Variants in ZNF516 observed in about 807,000 individuals in gnomAD.
The protein encoded by ZNF516 is zinc finger protein 516.
In ZNF516, 19 loss-of-function variants were observed where a neutral mutation model predicts 79.7. The observed-to-expected ratio is 0.24, with a 90% CI of 0.17 to 0.35. The LOEUF (loss-of-function observed/expected upper bound fraction) is 0.35. Ranked by LOEUF, ZNF516 falls within the 10% of genes least tolerant of loss-of-function variation. ZNF516 has a pLI of 1.00. For synonymous variants in ZNF516, 877 were observed against 739.5 expected (o/e 1.19, Z -3.02); for missense variants, 1,678 against 1,679.5 (o/e 1.00, Z 0.02).
chr18:76,372,881 G>C (rs985470594), intron 4 of ZNF516: 3 of 152,288 alleles, frequency 2.0e-5, no homozygotes, highest in African/African-American at 7.2e-5. Flanking sequence ...AGGTGCGGCG[G>C]CTCACGCCTG....
chr18:76,416,477 G>C (rs913421004), intron 3 of ZNF516, among the ~76,000 whole-genome samples: 2 of 152,194 alleles, frequency 1.3e-5, no homozygotes, highest in Non-Finnish European at 2.9e-5. Flanking sequence ...TTACTGTTTG[G>C]GGGTTTGGGG....
chr18:76,439,746 C>T (rs1250470047), intron 3 of ZNF516, among the ~76,000 whole-genome samples: 7 of 151,952 alleles, frequency 4.6e-5, no homozygotes, highest in Non-Finnish European at 1.0e-4. Flanking sequence ...AAGAATATTT[C>T]TCTTAAAAGT....
chr18:76,362,607 G>C lies in ZNF516; in HGVS notation c.3433-50C>G, dbSNP rs151227119. On this transcript the variant is annotated intron_variant, in intron 6 of 6. Transcript: ENST00000443185. Reference sequence around the variant, plus strand: ...GGAGAAAAGCTCATTTCTGCCTTTTGGTTTCTAAATGCATTTTTCCTATTA... The same window carrying C: ...GGAGAAAAGCTCATTTCTGCCTTTTCGTTTCTAAATGCATTTTTCCTATTA... The C allele has an allele frequency of 1.9e-3, 2,988 of 1,545,420 alleles. 4 individuals are homozygous for C. The highest frequency in any genetic ancestry group is 5.5e-3 in the African/African-American group (404 of 73,636).
intron 3 of ZNF516, among the ~76,000 whole-genome samples, chr18:76,419,285 T>C (rs1249723057): frequency 1.3e-5 from 2 of 152,232 alleles, no homozygotes; most frequent in African/African-American, 4.8e-5. Context: ...GTTAGGTGTA[T>C]GTGTGTACAC....
At chr18:76,482,456 G>A (rs763354140) in intron 1 of ZNF516, among the ~76,000 whole-genome samples, 7 of 152,126 alleles carry the variant, frequency 4.6e-5, no homozygotes, top group South Asian at 2.1e-4. Context: ...GCCCGGCAGC[G>A]GCAGCCCCGC....
chr18:76,371,470 A>T lies in ZNF516; in HGVS notation c.3361T>A (p.Ser1121Thr). ...GHLRAHMRAH[S>T]VVFESDGPRG... ...TAGCTGGGCGGGAGGGCGATACCTGAGTGTGCCCGCATGTGGGCCCTGAGG... is the reference window on the plus strand; with the variant it reads ...TAGCTGGGCGGGAGGGCGATACCTGTGTGTGCCCGCATGTGGGCCCTGAGG... The change falls in exon 5 of 7, where the codon TCA (serine) becomes ACA (threonine). Residue 1121 changes from serine to threonine, a missense_variant. Ser to Thr is a moderately conservative substitution (Grantham distance 58). This residue lies in a region of ZNF516 where 1,294 missense variants were observed against 1,248.3 expected (regional missense o/e 1.04). Coordinates refer to ENST00000443185, the MANE Select transcript of ZNF516 (RefSeq NM_014643.4). 6.2e-7 allele frequency: 1 copy of T among 1,606,212 alleles called. No homozygotes were observed. Among genetic ancestry groups the T allele is most frequent in the Non-Finnish European group, 8.5e-7 (1 of 1,179,438 alleles).
intron 1 of ZNF516, among the ~76,000 whole-genome samples, chr18:76,482,307 T>C (rs945779077): frequency 2.0e-5 from 3 of 152,238 alleles, no homozygotes; most frequent in South Asian, 2.1e-4. Flanking sequence ...TATTATTCCA[T>C]TGCCCGTTCT....
At chr18:76,435,713 G>A (rs551698207) in intron 3 of ZNF516, among the ~76,000 whole-genome samples, 41 of 152,334 alleles carry the variant, frequency 2.7e-4, no homozygotes, top group African/African-American at 8.9e-4. Flanking sequence ...TCAGAACTCC[G>A]TACAGGGTAA....
chr18:76,490,753 T>C, intron 1 of ZNF516: 3 of 985,152 alleles, frequency 3.0e-6, no homozygotes, highest in Non-Finnish European at 3.6e-6. Flanking sequence ...GTAAGTAGGA[T>C]CCCCACTAAA....
chr18:76,445,313 T>TA (rs1248737424), intron 2 of ZNF516, among the ~76,000 whole-genome samples: 3 of 150,116 alleles, frequency 2.0e-5, no homozygotes, highest in Non-Finnish European at 4.4e-5. Context: ...GAGAAGTAAA[T>TA]AAGCTTACCA....
intron 3 of ZNF516, chr18:76,389,220 T>C (rs1325839516): frequency 1.3e-5 from 2 of 148,678 alleles, no homozygotes; most frequent in Non-Finnish European, 3.0e-5. Context: ...TGGCAACAAC[T>C]GGTCAAGGCC....
intron 3 of ZNF516, among the ~76,000 whole-genome samples, chr18:76,432,644 TG>T (rs2075677600): frequency 6.6e-6 from 1 of 152,196 alleles, no homozygotes; most frequent in Non-Finnish European, 1.5e-5. Context: ...ATGAAACTCA[TG>T]GATCTTCCCA....
At chr18:76,440,116 A>G (rs971461105) in intron 3 of ZNF516, among the ~76,000 whole-genome samples, 4 of 152,240 alleles carry the variant, frequency 2.6e-5, no homozygotes, top group Non-Finnish European at 4.4e-5. Flanking sequence ...CGTGGATTCA[A>G]CACAAGTTTT....
chr18:76,403,063 G>A (rs1004739325), intron 3 of ZNF516, among the ~76,000 whole-genome samples: 1 of 152,208 alleles, frequency 6.6e-6, no homozygotes, highest in African/African-American at 2.4e-5. Flanking sequence ...AACCACCAAA[G>A]GCGCCTGGCA....
chr18:76,440,742 T>TGTGTG (rs1555711267), intron 3 of ZNF516, among the ~76,000 whole-genome samples: 2 of 149,942 alleles, frequency 1.3e-5, no homozygotes, highest in Admixed American at 6.6e-5. Context: ...GTGTGTGTGT[T>TGTGTG]TGTGTGTGTG....
rs118036625 is a variant in ZNF516, at chr18:76,395,009, C to T, written c.1811-14706G>A. 2.6e-3 allele frequency among the ~76,000 whole-genome samples: 398 copies of T among 152,296 alleles called. 1 individual carries two copies. Among genetic ancestry groups the T allele is most frequent in the Non-Finnish European group, 4.0e-3 (275 of 68,026 alleles). ...GCATTTTTCAAACTCAGTCCCGATT[C>T]CAACTCCTTCTGCTCTAACTAAACA... On this transcript the variant is annotated intron_variant, in intron 3 of 6. Transcript: ENST00000443185.
chr18:76,360,646 A>AAAAAAAAAAAT lies in ZNF516; in HGVS notation c.*1851_*1852insATTTTTTTTTT, dbSNP rs373540251. ...AAAAAAATAAGTAAAAAAAAAAAAA[A>AAAAAAAAAAAT]ATATATATATATATATATATATATA... On this transcript the variant is annotated 3_prime_UTR_variant, in exon 7 of 7. Coordinates refer to ENST00000443185, the MANE Select transcript of ZNF516 (RefSeq NM_014643.4). 3.5e-4 allele frequency: 25 copies of AAAAAAAAAAAT among 72,446 alleles called. No individual in the cohort carries two copies. The highest frequency in any genetic ancestry group is 5.4e-4 in the Non-Finnish European group (20 of 36,914). 4.5% of individuals were successfully genotyped at this position (72,446 alleles called of 1,614,324 possible).
In ZNF516 at chr18:76,360,646, A is replaced by AAAAAAAAAAAAATAT. The variant is rs373540251; in HGVS notation, c.*1851_*1852insATATTTTTTTTTTTT. On this transcript the variant is annotated 3_prime_UTR_variant, in exon 7 of 7. Coordinates refer to ENST00000443185, the MANE Select transcript of ZNF516 (RefSeq NM_014643.4). Reference sequence around the variant, plus strand: ...AAAAAAATAAGTAAAAAAAAAAAAAAATATATATATATATATATATATATA... The same window carrying AAAAAAAAAAAAATAT: ...AAAAAAATAAGTAAAAAAAAAAAAAAAAAAAAAAAAAATATATATATATATATATATATATATATA... The AAAAAAAAAAAAATAT allele has an allele frequency of 6.9e-5, 5 of 72,448 alleles. No homozygotes were observed. The highest frequency in any genetic ancestry group is 1.1e-4 in the Non-Finnish European group (4 of 36,912). The allele number at this position is 72,448 out of a possible 1,614,324, so 4.5% of individuals were successfully genotyped here. A position where few individuals can be genotyped will look rare whatever the true frequency, so the allele number is the denominator to read the frequency against.
chr18:76,400,769 TA>T (rs1394315970), intron 3 of ZNF516, among the ~76,000 whole-genome samples: 1 of 152,212 alleles, frequency 6.6e-6, no homozygotes, highest in Non-Finnish European at 1.5e-5. Context: ...TTATGTAATA[TA>T]AATATTGAGT....
Sources: gnomAD v4.1 joint callset for allele counts (sites outside exome capture counted in the v4.1 genomes callset) on GRCh38, gnomAD v4.1.1 for gene constraint, gnomAD v4.1.1 regional missense constraint, MANE v1.5 for transcripts, NCBI Gene and HGNC (gene_info 2026-07-23, HGNC 2026-07-21) for gene names.